The following PPP2R3B variants were observed in gnomAD, a reference collection of about 807,000 sequenced individuals.
PPP2R3B encodes the protein protein phosphatase 2 regulatory subunit B''beta, also known as serine/threonine-protein phosphatase 2A regulatory subunit B'' subunit beta.
In PPP2R3B, 68 loss-of-function variants were observed where a neutral mutation model predicts 72.9. That is an observed-to-expected ratio of 0.93 (90% CI 0.77 to 1.14). PPP2R3B has a LOEUF of 1.14. PPP2R3B is among the 50% of genes most tolerant of loss of function. The probability of loss-of-function intolerance (pLI) is 0.00; values close to 1 mark genes in which losing one functional copy is unlikely to be tolerated. For missense variants in PPP2R3B, 1,018 were observed against 842.0 expected (o/e 1.21, Z -2.59); for synonymous variants, 466 against 375.8 (o/e 1.24, Z -2.78).
chrX:349,626 A>G (rs1323687518), intron 2 of PPP2R3B, among the ~76,000 whole-genome samples: 3 of 152,210 alleles, frequency 2.0e-5, no homozygotes, highest in Non-Finnish European at 4.4e-5. Flanking sequence ...ATGCTTACCA[A>G]ATACGGGAAT....
chrX:373,295 A>G (rs2071907173), intron 1 of PPP2R3B, among the ~76,000 whole-genome samples: 1 of 152,208 alleles, frequency 6.6e-6, no homozygotes, highest in South Asian at 2.1e-4. Flanking sequence ...GGTTTTCCTA[A>G]CAAGCTTGGC....
intron 12 of PPP2R3B, 44 bp from the exon 13 acceptor site, chrX:334,561 A>C: frequency 6.9e-7 from 1 of 1,447,166 alleles, no homozygotes; most frequent in African/African-American, 1.5e-5. Context: ...AGCGCGGAGC[A>C]GGCCCTGGGC....
At position 334,412 on chromosome X, in the gene PPP2R3B, G is replaced by T; in HGVS notation, c.1683C>A (p.Asp561Glu). ...FEAPSPLGAV[D>E]LYEYACGDED... ...CGTCCCCGCATGCGTACTCGTACAGGTCCACGGCGCCCAGCGGTGAGGGCG... is the reference window on the plus strand; with the variant it reads ...CGTCCCCGCATGCGTACTCGTACAGTTCCACGGCGCCCAGCGGTGAGGGCG... The change falls in exon 13 of 13, where the codon GAC becomes GAA. Residue 561 changes from aspartate to glutamate, a missense_variant. Transcript: ENST00000390665. 1 of 1,591,070 alleles carries T rather than the reference G, an allele frequency of 6.3e-7. No homozygotes were observed. Among genetic ancestry groups the T allele is most frequent in the Non-Finnish European group, 8.5e-7 (1 of 1,174,570 alleles).
At chrX:385,555 G>C (rs1235555121) in intron 1 of PPP2R3B, among the ~76,000 whole-genome samples, 3 of 151,972 alleles carry the variant, frequency 2.0e-5, no homozygotes, top group African/African-American at 4.8e-5. Context: ...AGGCCGAAGC[G>C]GGAGGATTGC....
At chrX:374,212 C>G (rs1339664023) in intron 1 of PPP2R3B, among the ~76,000 whole-genome samples, 1 of 152,166 alleles carries the variant, frequency 6.6e-6, no homozygotes, top group South Asian at 2.1e-4. Context: ...GCGCTCCCCG[C>G]GAGAAGTGAG....
rs188031301 is a variant in PPP2R3B, at chrX:356,267, G to A, written c.510+5138C>T. 4.2e-3 allele frequency among the ~76,000 whole-genome samples: 647 copies of A among 152,312 alleles called. 1 individual carries two copies. Among genetic ancestry groups the A allele is most frequent in the Middle Eastern group, 0.01 (3 of 294 alleles). The stretch of plus-strand genomic sequence containing the variant: ...GTCTTGCTCAGTCGCCCAGGCTGGA[G>A]TGCAGTGGTGCGATCTTGGCTCACT... On this transcript the variant is annotated intron_variant, in intron 2 of 12. Transcript: ENST00000390665.
chrX:354,949 G>C (rs1487658266), intron 2 of PPP2R3B, among the ~76,000 whole-genome samples: 1 of 152,206 alleles, frequency 6.6e-6, no homozygotes, highest in African/African-American at 2.4e-5. Flanking sequence ...CGTCACGGAC[G>C]ACTTGAGCCC....
chrX:349,247 G>C (rs893336594), intron 2 of PPP2R3B, among the ~76,000 whole-genome samples: 3 of 152,020 alleles, frequency 2.0e-5, no homozygotes, highest in African/African-American at 7.3e-5. Flanking sequence ...CTTCCACCCC[G>C]TGAGGACGCA....
chrX:363,073 C>T (rs988486732), intron 1 of PPP2R3B, among the ~76,000 whole-genome samples: 2 of 152,102 alleles, frequency 1.3e-5, no homozygotes, highest in African/African-American at 4.8e-5. Flanking sequence ...ACAGAGGCCG[C>T]CTCCGTGACC....
At chrX:345,480 TCCGCGCGGCCCGC>T (rs1486510932) in intron 7 of PPP2R3B, 23 bp downstream of exon 7, 2 of 1,609,738 alleles carry the variant, frequency 1.2e-6, no homozygotes, top group African/African-American at 2.7e-5. Flanking sequence ...GTGCTCGGTG[TCCGCGCGGCCCGC>T]CCGCCCCTGT....
chrX:344,163 G>T (rs2071142201), intron 7 of PPP2R3B, among the ~76,000 whole-genome samples: 1 of 115,214 alleles, frequency 8.7e-6, no homozygotes. Context: ...GGAGGCGGGA[G>T]GGAGACCTCA....
intron 2 of PPP2R3B, among the ~76,000 whole-genome samples, chrX:351,588 G>C (rs1294742597): frequency 2.2e-3 from 321 of 145,870 alleles, no homozygotes; most frequent in African/African-American, 7.6e-3. Flanking sequence ...GCCCAGGCTG[G>C]AGTGCAGTGT....
In PPP2R3B at chrX:341,372, C is replaced by T. The variant is rs1428142815; in HGVS notation, c.1110G>A (p.Gly370=). The T allele has an allele frequency of 5.6e-6, 9 of 1,612,734 alleles. No homozygotes were observed. The highest frequency in any genetic ancestry group is 7.6e-6 in the Non-Finnish European group (9 of 1,179,734). Residue 370 remains glycine, a synonymous_variant, in exon 9 of 13, where the codon GGG becomes GGA. Transcript: ENST00000390665. ...AGACAAAGTCGGCATAGCTGATCTT[C>T]CCTTCCTTCTGCACTTTTCTGCCTC... ...VTRGRKVQKE[G]KISYADFVWF...
chrX:336,697 C>T (rs2070897749), intron 12 of PPP2R3B: 3 of 152,204 alleles, frequency 2.0e-5, no homozygotes, highest in African/African-American at 7.2e-5. Flanking sequence ...AGGTGCAAAA[C>T]ACAAGGTCAA....
At chrX:384,328 C>T (rs1202185490) in intron 1 of PPP2R3B, among the ~76,000 whole-genome samples, 2 of 145,298 alleles carry the variant, frequency 1.4e-5, no homozygotes, top group Non-Finnish European at 3.0e-5. Flanking sequence ...ACAGGGCCTT[C>T]CTCTGTTGCT....
chrX:360,251 C>T (rs1218665669), intron 2 of PPP2R3B, among the ~76,000 whole-genome samples: 5 of 152,264 alleles, frequency 3.3e-5, no homozygotes, highest in Admixed American at 6.5e-5. Flanking sequence ...AAACAAAACC[C>T]GGCCAGGTGC....
intron 2 of PPP2R3B, among the ~76,000 whole-genome samples, chrX:355,848 T>A (rs888246677): frequency 2.0e-5 from 3 of 152,206 alleles, no homozygotes; most frequent in Admixed American, 6.5e-5. Context: ...CAGAGAAAAG[T>A]CCAGCGCACG....
At chrX:341,040 CT>C (rs2071055501) in intron 9 of PPP2R3B, 100 bp from the exon 10 acceptor site, 6 of 1,465,088 alleles carry the variant, frequency 4.1e-6, no homozygotes, top group Middle Eastern at 2.5e-4. Context: ...CGCGTCCCCG[CT>C]GTGCCTTGCA....
At chrX:364,576 G>C (rs966417112) in intron 1 of PPP2R3B, among the ~76,000 whole-genome samples, 1 of 149,818 alleles carries the variant, frequency 6.7e-6, no homozygotes, top group African/African-American at 2.5e-5. Context: ...AAATTAGCCG[G>C]GTGTGGTGGA....
Sources: gnomAD v4.1 joint callset for allele counts (sites outside exome capture counted in the v4.1 genomes callset) on GRCh38, gnomAD v4.1.1 for gene constraint, MANE v1.5 for transcripts, NCBI Gene and HGNC (gene_info 2026-07-23, HGNC 2026-07-21) for gene names.